The following GSG1L variants were observed in gnomAD, a reference collection of about 807,000 sequenced individuals.
The protein encoded by GSG1L is germ cell-specific gene 1-like protein.
GSG1L carries 24 observed loss-of-function variants against 42.1 expected under a neutral mutation model. The observed-to-expected ratio is 0.57, with a 90% CI of 0.41 to 0.80. The LOEUF (loss-of-function observed/expected upper bound fraction) is 0.80. Ranked by LOEUF, GSG1L falls within the 30% of genes least tolerant of loss-of-function variation. The pLI, the probability that GSG1L is intolerant of heterozygous loss-of-function variation, is 0.00. For missense variants in GSG1L, 445 were observed against 472.2 expected (o/e 0.94, Z 0.53); for synonymous variants, 215 against 203.5 (o/e 1.06, Z -0.48).
intron 1 of GSG1L, among the ~76,000 whole-genome samples, chr16:28,008,595 C>T (rs561663431): frequency 1.3e-5 from 2 of 152,292 alleles, no homozygotes; most frequent in African/African-American, 4.8e-5. Flanking sequence ...AACCCAGGCA[C>T]CAGGGAGGTC....
intron 3 of GSG1L, among the ~76,000 whole-genome samples, chr16:27,877,499 C>T (rs2083902201): frequency 6.6e-6 from 1 of 152,020 alleles, no homozygotes; most frequent in South Asian, 2.1e-4. Flanking sequence ...TTTCATGGGT[C>T]CCTAGCAGTA....
chr16:27,875,870 T>A (rs571732973), intron 3 of GSG1L, among the ~76,000 whole-genome samples: 1 of 152,298 alleles, frequency 6.6e-6, no homozygotes, highest in Admixed American at 6.5e-5. Flanking sequence ...CCTCTCCGCA[T>A]GGAGAGGGCC....
At chr16:27,915,795 A>T (rs558417890) in intron 2 of GSG1L, among the ~76,000 whole-genome samples, 12 of 152,284 alleles carry the variant, frequency 7.9e-5, no homozygotes, top group Middle Eastern at 3.4e-3. Context: ...TCTAAAAAAT[A>T]ATAATAATAA....
chr16:28,002,943 A>G (rs539613604), intron 1 of GSG1L, among the ~76,000 whole-genome samples: 1 of 152,004 alleles, frequency 6.6e-6, no homozygotes, highest in East Asian at 1.9e-4. Flanking sequence ...CTCAGAAAAA[A>G]AAGAAAGAAA....
chr16:27,963,982 T>C (rs1262084849), intron 1 of GSG1L, among the ~76,000 whole-genome samples: 1 of 152,130 alleles, frequency 6.6e-6, no homozygotes, highest in East Asian at 1.9e-4. Flanking sequence ...ACAAAAGTGG[T>C]GTGCTACAGT....
chr16:27,942,135 T>G (rs562498433), intron 2 of GSG1L, among the ~76,000 whole-genome samples: 1 of 149,962 alleles, frequency 6.7e-6, no homozygotes, highest in East Asian at 2.0e-4. Context: ...ATAAAAAAAA[T>G]TAAAACTTCT....
At chr16:28,008,936 GTAGCTGGGATTACAGTTACCC>G (rs553437894) in intron 1 of GSG1L, among the ~76,000 whole-genome samples, 2 of 152,180 alleles carry the variant, frequency 1.3e-5, no homozygotes, top group East Asian at 3.9e-4. Flanking sequence ...AGCCTCCAGA[GTAGCTGGGATTACAGTTACCC>G]GCCACCACGC....
intron 1 of GSG1L, among the ~76,000 whole-genome samples, chr16:27,997,687 A>G (rs1327906555): frequency 6.6e-6 from 1 of 151,608 alleles, no homozygotes; most frequent in Non-Finnish European, 1.5e-5. Flanking sequence ...TTTTATTGTT[A>G]TTATTTATAT....
At chr16:28,023,616 T>C (rs74016608) in intron 1 of GSG1L, among the ~76,000 whole-genome samples, 12,674 of 152,250 alleles carry the variant, frequency 0.083, 1,777 homozygotes, top group African/African-American at 0.29. Flanking sequence ...ACTTGTCTAT[T>C]GTCAAAGTGT....
In GSG1L at chr16:27,865,558, T is replaced by C. The variant is rs1274411577; in HGVS notation, c.550+18928A>G. ...ATATATATATATATATATATATATA[T>C]ATATATATATATATACACACACACA... On this transcript the variant is annotated intron_variant, in intron 3 of 6. Coordinates refer to ENST00000447459, the MANE Select transcript of GSG1L (RefSeq NM_001109763.2). Among the ~76,000 whole-genome samples the C allele has an allele frequency of 1.5e-3, 35 of 22,640 alleles. 1 individual carries two copies. The highest frequency in any genetic ancestry group is 0.01 in the African/African-American group (31 of 2,978). The allele number at this position is 22,640 out of a possible 152,430, so 14.9% of individuals were successfully genotyped here. A position where few individuals can be genotyped will look rare whatever the true frequency, so the allele number is the denominator to read the frequency against.
At chr16:27,838,435 C>G (rs961027720) in intron 4 of GSG1L, among the ~76,000 whole-genome samples, 6 of 152,198 alleles carry the variant, frequency 3.9e-5, no homozygotes, top group African/African-American at 1.4e-4. Flanking sequence ...GCAGCTTGTA[C>G]TTCTGAACTG....
intron 1 of GSG1L, among the ~76,000 whole-genome samples, chr16:28,004,405 CAGA>C (rs555893378): frequency 2.3e-4 from 35 of 149,434 alleles, no homozygotes; most frequent in African/African-American, 7.9e-4. Context: ...AGCTGAGGGC[CAGA>C]AGGAGAGAAG....
At chr16:27,997,922 C>T (rs34494330) in intron 1 of GSG1L, among the ~76,000 whole-genome samples, 60,427 of 146,534 alleles carry the variant, frequency 0.41, 14,822 homozygotes, top group East Asian at 0.69. Context: ...TGCAGCGGCA[C>T]GATCTTGGCT....
At chr16:27,977,559 CAAAAAAAAAAA>C (rs34588077) in intron 1 of GSG1L, among the ~76,000 whole-genome samples, 3 of 44,948 alleles carry the variant, frequency 6.7e-5, no homozygotes, top group South Asian at 1.0e-3. Context: ...CACCCTGCCT[CAAAAAAAAAAA>C]AAAAAAAAAA....
intron 5 of GSG1L, among the ~76,000 whole-genome samples, chr16:27,809,612 T>C (rs1018429821): frequency 6.6e-6 from 1 of 151,942 alleles, no homozygotes; most frequent in African/African-American, 2.4e-5. Flanking sequence ...TTGTCTCTCC[T>C]AAAGCACACA....
intron 3 of GSG1L, among the ~76,000 whole-genome samples, chr16:27,848,423 C>A (rs1490381227): frequency 6.6e-6 from 1 of 152,168 alleles, no homozygotes; most frequent in Non-Finnish European, 1.5e-5. Context: ...GACCAGACTG[C>A]AAAACTTTGT....
Position 27,791,452 on chromosome 16 carries a change from A to G in GSG1L, c.914T>C (p.Met305Thr), listed in dbSNP as rs2082751748. 6.7e-7 allele frequency: 1 copy of G among 1,502,500 alleles called. No individual in the cohort carries two copies. Among genetic ancestry groups the G allele is most frequent in the South Asian group, 1.3e-5 (1 of 75,182 alleles). The allele number at this position is 1,502,500 out of a possible 1,614,324, so 93.1% of individuals were successfully genotyped here. A position where few individuals can be genotyped will look rare whatever the true frequency, so the allele number is the denominator to read the frequency against. ...ERYPARHQPH[M>T]ADSWPRSSAQ... ...GGAGCTCCGGGGCCAGGAATCCGCC[A>G]TGTGTGGCTGGTGTCCTGCCAGGAG... Residue 305 changes from methionine (M) to threonine (T), a missense_variant, in exon 7 of 7, where the codon ATG becomes ACG. Physicochemically the swap from Met to Thr is moderately conservative, Grantham distance 81 (BLOSUM62 -1). Coordinates refer to ENST00000447459, the MANE Select transcript of GSG1L (RefSeq NM_001109763.2).
chr16:28,058,285 A>G (rs576724762), intron 1 of GSG1L, among the ~76,000 whole-genome samples: 112 of 152,314 alleles, frequency 7.4e-4, no homozygotes, highest in Middle Eastern at 6.8e-3. Flanking sequence ...CTAGGAAATG[A>G]GAGCAACCAC....
At chr16:27,883,571 A>G (rs2141023543) in intron 3 of GSG1L, among the ~76,000 whole-genome samples, 1 of 152,312 alleles carries the variant, frequency 6.6e-6, no homozygotes, top group Admixed American at 6.5e-5. Context: ...TTCCCTTACC[A>G]GGAGGCTCAT....
Sources: allele counts gnomAD v4.1 joint callset (sites outside exome capture counted in the v4.1 genomes callset), GRCh38; gene constraint gnomAD v4.1.1; transcripts MANE v1.5; gene names NCBI Gene and HGNC (gene_info 2026-07-23, HGNC 2026-07-21).